Variants in ZSWIM5 observed in about 807,000 individuals in gnomAD.
ZSWIM5 encodes the protein zinc finger SWIM domain-containing protein 5.
A neutral mutation model predicts 119.6 loss-of-function variants in ZSWIM5; 55 were observed. The observed-to-expected ratio is 0.46, with a 90% CI of 0.37 to 0.58. The LOEUF (loss-of-function observed/expected upper bound fraction) is 0.58, where lower values mean the gene tolerates loss of function less well. Ranked by LOEUF, ZSWIM5 falls within the 20% of genes least tolerant of loss-of-function variation. The pLI, the probability that ZSWIM5 is intolerant of heterozygous loss-of-function variation, is 0.00. For synonymous variants in ZSWIM5, 537 were observed against 606.9 expected (o/e 0.88, Z 1.69); for missense variants, 1,193 against 1,512.8 (o/e 0.79, Z 3.51).
intron 11 of ZSWIM5, among the ~76,000 whole-genome samples, chr1:45,025,691 TGTTA>T (rs1032186534): frequency 9.8e-5 from 15 of 152,324 alleles, no homozygotes; most frequent in African/African-American, 1.7e-4. Flanking sequence ...TATAATTACT[TGTTA>T]GTTCCAGTTT....
At chr1:45,074,847 C>A (rs1570062522) in intron 2 of ZSWIM5, among the ~76,000 whole-genome samples, 1 of 151,692 alleles carries the variant, frequency 6.6e-6, no homozygotes, top group Non-Finnish European at 1.5e-5. Flanking sequence ...GATGTAGGTA[C>A]TTATAGCTAT....
At chr1:45,032,864 G>A (rs538258669) in intron 11 of ZSWIM5, among the ~76,000 whole-genome samples, 1 of 151,634 alleles carries the variant, frequency 6.6e-6, no homozygotes, top group Non-Finnish European at 1.5e-5. Flanking sequence ...TTTCTAATGA[G>A]AAATCTGTTC....
At chr1:45,022,216 C>T (rs1239632597) in intron 11 of ZSWIM5, among the ~76,000 whole-genome samples, 2 of 151,234 alleles carry the variant, frequency 1.3e-5, no homozygotes, top group Non-Finnish European at 1.5e-5. Flanking sequence ...CTGCAAGCTC[C>T]GCCTCCCAGG....
chr1:45,045,152 T>C (rs1229440960), intron 5 of ZSWIM5, among the ~76,000 whole-genome samples: 1 of 151,820 alleles, frequency 6.6e-6, no homozygotes, highest in Non-Finnish European at 1.5e-5. Context: ...TTAAGGGTGG[T>C]ATGTAGGAGG....
rs1644860147 is a variant in ZSWIM5, at chr1:45,017,335, A to T, written c.*1119T>A. 1.3e-5 allele frequency: 2 copies of T among 152,216 alleles called. No individual in the cohort carries two copies. The highest frequency in any genetic ancestry group is 4.8e-5 in the African/African-American group (2 of 41,466). 9.4% of individuals were successfully genotyped at this position (152,216 alleles called of 1,614,324 possible). Reference sequence around the variant, plus strand: ...CATGGATACAAACATGTTTATACACATGCACTCGTGTACGCAGATACACAT... The same window carrying T: ...CATGGATACAAACATGTTTATACACTTGCACTCGTGTACGCAGATACACAT... On this transcript the variant is annotated 3_prime_UTR_variant, in exon 14 of 14. Transcript: ENST00000359600.
intron 1 of ZSWIM5, among the ~76,000 whole-genome samples, chr1:45,109,685 C>T (rs1009899118): frequency 8.7e-5 from 13 of 149,502 alleles, no homozygotes; most frequent in African/African-American, 1.5e-4. Flanking sequence ...GCAGAGGTTG[C>T]GGTGAGCCAA....
At chr1:45,143,534 T>C (rs1645742914) in intron 1 of ZSWIM5, among the ~76,000 whole-genome samples, 1 of 152,144 alleles carries the variant, frequency 6.6e-6, no homozygotes, top group East Asian at 1.9e-4. Context: ...GTAAAGGGTA[T>C]CTACAAAAAT....
intron 11 of ZSWIM5, among the ~76,000 whole-genome samples, chr1:45,022,989 A>G (rs528974582): frequency 1.1e-4 from 17 of 152,250 alleles, no homozygotes; most frequent in Non-Finnish European, 1.9e-4. Context: ...TTTTTGATCC[A>G]TGGTTGGTTG....
At chr1:45,195,987 C>CTCCCACCCAATA (rs1646119747) in intron 1 of ZSWIM5, among the ~76,000 whole-genome samples, 1 of 150,676 alleles carries the variant, frequency 6.6e-6, no homozygotes, top group African/African-American at 2.4e-5. Context: ...CCCACCTCAG[C>CTCCCACCCAATA]CTCCCAAGTA....
intron 2 of ZSWIM5, among the ~76,000 whole-genome samples, chr1:45,082,119 C>G (rs1383795249): frequency 6.6e-6 from 1 of 150,902 alleles, no homozygotes; most frequent in Non-Finnish European, 1.5e-5. Context: ...TAAACAGATG[C>G]TTGAAGGCAG....
intron 2 of ZSWIM5, 61 bp from the exon 3 acceptor site, chr1:45,060,308 G>A: frequency 6.4e-7 from 1 of 1,566,152 alleles, no homozygotes; most frequent in Non-Finnish European, 8.7e-7. Flanking sequence ...CATTCAGCTG[G>A]AGGGGCACTT....
At chr1:45,064,384 T>C (rs530721439) in intron 2 of ZSWIM5, among the ~76,000 whole-genome samples, 5 of 152,202 alleles carry the variant, frequency 3.3e-5, no homozygotes, top group Non-Finnish European at 7.4e-5. Flanking sequence ...TTTTTGTACT[T>C]CACAGTGTCA....
At chr1:45,040,989 T>G (rs915414616) in intron 6 of ZSWIM5, among the ~76,000 whole-genome samples, 19 of 152,052 alleles carry the variant, frequency 1.2e-4, no homozygotes, top group South Asian at 2.1e-4. Context: ...AGCTCACAAA[T>G]GATACATAAA....
intron 2 of ZSWIM5, among the ~76,000 whole-genome samples, chr1:45,075,372 A>T (rs1017065838): frequency 6.7e-6 from 1 of 150,258 alleles, no homozygotes; most frequent in Admixed American, 6.6e-5. Flanking sequence ...TTTGCTCTAT[A>T]TATTTGGGTG....
intron 1 of ZSWIM5, among the ~76,000 whole-genome samples, chr1:45,185,569 A>C (rs1646052965): frequency 6.6e-6 from 1 of 152,070 alleles, no homozygotes; most frequent in Non-Finnish European, 1.5e-5. Flanking sequence ...AAAACAAACA[A>C]CCCCATCAAA....
At chr1:45,122,098 T>C (rs554855122) in intron 1 of ZSWIM5, among the ~76,000 whole-genome samples, 4 of 152,346 alleles carry the variant, frequency 2.6e-5, no homozygotes, top group African/African-American at 9.6e-5. Context: ...CTCATTAACT[T>C]ATTTAATAGT....
chr1:45,188,738 T>G (rs538490671), intron 1 of ZSWIM5, among the ~76,000 whole-genome samples: 1 of 152,300 alleles, frequency 6.6e-6, no homozygotes, highest in East Asian at 1.9e-4. Context: ...AGAGAGAAGA[T>G]AGCCTCCCTA....
chr1:45,184,305 A>C (rs1283782922), intron 1 of ZSWIM5, among the ~76,000 whole-genome samples: 6 of 152,032 alleles, frequency 3.9e-5, no homozygotes, highest in African/African-American at 1.4e-4. Flanking sequence ...CTGAATGGGC[A>C]AAAACTGGAA....
intron 1 of ZSWIM5, among the ~76,000 whole-genome samples, chr1:45,184,929 C>T (rs1487994267): frequency 6.6e-6 from 1 of 152,036 alleles, no homozygotes. Flanking sequence ...CAAAAAAGAG[C>T]CCTCATTGCC....
Sources: gnomAD v4.1 joint callset for allele counts (sites outside exome capture counted in the v4.1 genomes callset) on GRCh38, gnomAD v4.1.1 for gene constraint, MANE v1.5 for transcripts, NCBI Gene and HGNC (gene_info 2026-07-23, HGNC 2026-07-21) for gene names.